PDE3B: variants seen among roughly 807,000 people sequenced by gnomAD.
PDE3B encodes the protein cGMP-inhibited 3',5'-cyclic phosphodiesterase 3B.
Under a neutral mutation model 116.8 loss-of-function variants are expected in PDE3B, and 66 were observed. The observed-to-expected ratio is 0.56, with a 90% CI of 0.46 to 0.69. The LOEUF is 0.69. Among genes scored for constraint, PDE3B ranks in the 30% least tolerant of loss-of-function variants. PDE3B has a pLI of 0.00. For missense variants in PDE3B, 1,384 were observed against 1,368.1 expected, an observed-to-expected ratio of 1.01 and a Z score of -0.18; for synonymous variants, 595 against 533.6, an observed-to-expected ratio of 1.12 and a Z score of -1.59.
intron 1 of PDE3B, among the ~76,000 whole-genome samples, chr11:14,679,081 C>G (rs941970876): frequency 6.6e-6 from 1 of 152,008 alleles, no homozygotes; most frequent in African/African-American, 2.4e-5. Context: ...GATTTATTTC[C>G]GGGTTATTGA....
At chr11:14,848,941 C>T (rs929106861) in intron 12 of PDE3B, among the ~76,000 whole-genome samples, 7 of 152,168 alleles carry the variant, frequency 4.6e-5, no homozygotes, top group Admixed American at 4.6e-4. Context: ...AATGCCATCC[C>T]CATCAAGCTA....
the PDE3B span, among the ~76,000 whole-genome samples, chr11:14,894,454 T>A: frequency 1.3e-5 from 2 of 152,184 alleles, no homozygotes. Flanking sequence ...TGTTATACAG[T>A]ACAGGTACTT....
chr11:14,895,771 C>T, the PDE3B span, among the ~76,000 whole-genome samples: 1 of 152,192 alleles, frequency 6.6e-6, no homozygotes, highest in African/African-American at 2.4e-5. Flanking sequence ...TTCCCTATAA[C>T]AGGCTAAGTT....
intron 1 of PDE3B, among the ~76,000 whole-genome samples, chr11:14,757,316 C>G (rs900781018): frequency 6.8e-6 from 1 of 147,966 alleles, no homozygotes; most frequent in Non-Finnish European, 1.5e-5. Flanking sequence ...GGGTATATAC[C>G]CAGTAATGGG....
the PDE3B span, chr11:14,891,873 G>A: frequency 3.5e-6 from 5 of 1,429,606 alleles, no homozygotes; most frequent in Non-Finnish European, 4.7e-6. Context: ...CACACGGAGA[G>A]GTCCCGACTA....
At chr11:14,665,422 A>G (rs894597100) in intron 1 of PDE3B, among the ~76,000 whole-genome samples, 4 of 152,210 alleles carry the variant, frequency 2.6e-5, no homozygotes, top group Non-Finnish European at 4.4e-5. Context: ...AGCCAGGGCA[A>G]TTAGGCAGGA....
the PDE3B span, among the ~76,000 whole-genome samples, chr11:14,893,944 C>CA: frequency 6.6e-6 from 1 of 152,146 alleles, no homozygotes; most frequent in Admixed American, 6.6e-5. Context: ...ATATTCCAAA[C>CA]AGAGGAAATA....
chr11:14,727,098 C>T (rs1390728206), intron 1 of PDE3B, among the ~76,000 whole-genome samples: 2 of 152,120 alleles, frequency 1.3e-5, no homozygotes, highest in East Asian at 1.9e-4. Context: ...AGTTCTCTTT[C>T]TTCTTTAATT....
chr11:14,661,989 G>T (rs957943000), intron 1 of PDE3B, among the ~76,000 whole-genome samples: 2 of 152,082 alleles, frequency 1.3e-5, no homozygotes, highest in African/African-American at 4.8e-5. Flanking sequence ...ATCTGAGAAC[G>T]GGCAGACTGC....
the PDE3B span, chr11:14,880,580 C>T: frequency 1.2e-6 from 2 of 1,613,148 alleles, no homozygotes; most frequent in Non-Finnish European, 1.7e-6. Flanking sequence ...TTTGAAACAG[C>T]ATTCGTTATT....
intron 10 of PDE3B, among the ~76,000 whole-genome samples, chr11:14,834,708 A>G (rs1859999405): frequency 6.6e-6 from 1 of 152,246 alleles, no homozygotes; most frequent in Non-Finnish European, 1.5e-5. Context: ...AAGCCAGAAA[A>G]TAGCCACCTT....
intron 1 of PDE3B, among the ~76,000 whole-genome samples, chr11:14,736,737 C>G (rs377485157): frequency 6.6e-6 from 1 of 152,132 alleles, no homozygotes; most frequent in East Asian, 1.9e-4. Context: ...GAGATAGATA[C>G]ATGCCATTCT....
intron 6 of PDE3B, 52 bp from the exon 7 acceptor site, chr11:14,819,083 TA>T: frequency 2.8e-6 from 3 of 1,078,540 alleles, no homozygotes; most frequent in South Asian, 1.5e-5. Flanking sequence ...TGTGTTCAGG[TA>T]AAAAACTTGT....
chr11:14,839,645 G>T (rs2133970090), intron 11 of PDE3B, among the ~76,000 whole-genome samples: 1 of 152,286 alleles, frequency 6.6e-6, no homozygotes, highest in Middle Eastern at 3.4e-3. Context: ...AAATTCACAA[G>T]AAGACATATA....
At chr11:14,764,895 C>G (rs1481219583) in intron 1 of PDE3B, among the ~76,000 whole-genome samples, 1 of 150,108 alleles carries the variant, frequency 6.7e-6, no homozygotes, top group Non-Finnish European at 1.5e-5. Context: ...TTCTGCTTCT[C>G]AGTTTTTCTG....
At chr11:14,658,069 A>G (rs1194707270) in intron 1 of PDE3B, among the ~76,000 whole-genome samples, 1 of 152,142 alleles carries the variant, frequency 6.6e-6, no homozygotes, top group Non-Finnish European at 1.5e-5. Context: ...GCATTGGAGA[A>G]CTTCTGCTTC....
chr11:14,715,330 G>T (rs937276027), intron 1 of PDE3B, among the ~76,000 whole-genome samples: 4 of 152,000 alleles, frequency 2.6e-5, no homozygotes, highest in Non-Finnish European at 5.9e-5. Context: ...GATGGCATTG[G>T]ATCTATAAAT....
At chr11:14,793,890 T>G (rs1858467236) in intron 4 of PDE3B, among the ~76,000 whole-genome samples, 1 of 152,220 alleles carries the variant, frequency 6.6e-6, no homozygotes, top group Non-Finnish European at 1.5e-5. Flanking sequence ...TTGACCCTAT[T>G]TGAACCCCAG....
chr11:14,871,341 TTAC>T lies in PDE3B; in HGVS notation c.*1684_*1686del, dbSNP rs1848137611. The T allele has an allele frequency of 6.6e-6, 1 of 152,190 alleles. No individual in the cohort carries two copies. Among genetic ancestry groups the T allele is most frequent in the Admixed American group, 6.5e-5 (1 of 15,278 alleles). The allele number at this position is 152,190 out of a possible 1,614,324, so 9.4% of individuals were successfully genotyped here. A position where few individuals can be genotyped will look rare whatever the true frequency, so the allele number is the denominator to read the frequency against. ...ATGTGTAAACCAGTCCCACCACTTA[TTAC>T]TAATAAAATTTTGACTGATAATTTA... On this transcript the variant is annotated 3_prime_UTR_variant, in exon 16 of 16. Transcript: ENST00000282096.
Sources: allele counts gnomAD v4.1 joint callset (sites outside exome capture counted in the v4.1 genomes callset), GRCh38; gene constraint gnomAD v4.1.1; transcripts MANE v1.5; gene names NCBI Gene and HGNC (gene_info 2026-07-23, HGNC 2026-07-21).